NCOA1: variants seen among roughly 807,000 people sequenced by gnomAD.
The protein encoded by NCOA1 is Hin-2 protein.
In NCOA1, 35 loss-of-function variants were observed where a neutral mutation model predicts 150.9. The observed-to-expected ratio is 0.23, with a 90% confidence interval of 0.18 to 0.31. NCOA1 has a LOEUF of 0.31. NCOA1 is among the 10% of genes least tolerant of loss of function. NCOA1 has a pLI of 1.00. For missense variants in NCOA1, 1,491 were observed against 1,749.3 expected, an observed-to-expected ratio of 0.85 and a Z score of 2.63; for synonymous variants, 590 against 630.0, an observed-to-expected ratio of 0.94 and a Z score of 0.95.
chr2:24,607,404 T>A (rs890746021), intron 3 of NCOA1, among the ~76,000 whole-genome samples: 1 of 151,996 alleles, frequency 6.6e-6, no homozygotes, highest in Non-Finnish European at 1.5e-5. Context: ...AAGAGTGAGA[T>A]TGGCTGGGCG....
At chr2:24,678,213 T>C (rs1047447754) in intron 7 of NCOA1, among the ~76,000 whole-genome samples, 5 of 152,236 alleles carry the variant, frequency 3.3e-5, no homozygotes, top group Non-Finnish European at 7.3e-5. Context: ...CAAAGGACCA[T>C]GATCTCATCC....
intron 1 of NCOA1, among the ~76,000 whole-genome samples, chr2:24,518,563 A>G (rs1178995673): frequency 1.3e-5 from 2 of 152,192 alleles, no homozygotes; most frequent in Non-Finnish European, 2.9e-5. Context: ...TTATTTGCAG[A>G]TGACATTGAT....
chr2:24,610,413 T>C (rs1668570601), intron 3 of NCOA1, among the ~76,000 whole-genome samples: 1 of 151,980 alleles, frequency 6.6e-6, no homozygotes. Flanking sequence ...AGTGCTGGGA[T>C]TATAGGTGTG....
chr2:24,593,409 G>C (rs1383614228), intron 3 of NCOA1, among the ~76,000 whole-genome samples: 2 of 152,036 alleles, frequency 1.3e-5, no homozygotes, highest in African/African-American at 2.4e-5. Context: ...TGGGAATTTG[G>C]ATGAGAGTAG....
At chr2:24,548,948 C>T (rs1012508037) in intron 1 of NCOA1, among the ~76,000 whole-genome samples, 20 of 152,152 alleles carry the variant, frequency 1.3e-4, no homozygotes, top group East Asian at 7.7e-4. Flanking sequence ...TACCATTCTG[C>T]GGTCTGGAGG....
intron 3 of NCOA1, among the ~76,000 whole-genome samples, chr2:24,602,703 A>G (rs1378334496): frequency 6.6e-6 from 1 of 152,098 alleles, no homozygotes; most frequent in Non-Finnish European, 1.5e-5. Flanking sequence ...ATATTCTCCA[A>G]TTTCTTTAAT....
chr2:24,569,705 A>G (rs1179854455), intron 2 of NCOA1, among the ~76,000 whole-genome samples: 1 of 151,000 alleles, frequency 6.6e-6, no homozygotes, highest in South Asian at 2.1e-4. Context: ...CCACGTCTCT[A>G]CTAAAAATAC....
intron 1 of NCOA1, among the ~76,000 whole-genome samples, chr2:24,550,126 A>G (rs746755050): frequency 9.9e-5 from 15 of 152,212 alleles, no homozygotes; most frequent in Non-Finnish European, 1.8e-4. Flanking sequence ...CATTTTGGTC[A>G]AAGCCATACA....
intron 3 of NCOA1, among the ~76,000 whole-genome samples, chr2:24,637,098 A>G (rs2148446122): frequency 6.6e-6 from 1 of 150,554 alleles, no homozygotes; most frequent in Admixed American, 6.6e-5. Context: ...TATTATTATT[A>G]TACTTTAAGT....
chr2:24,498,879 A>T (rs1012251311), intron 1 of NCOA1, among the ~76,000 whole-genome samples: 1 of 152,066 alleles, frequency 6.6e-6, no homozygotes, highest in Non-Finnish European at 1.5e-5. Context: ...AAATGATTCC[A>T]TATGTAAGGC....
chr2:24,707,387 A>G lies in NCOA1; in HGVS notation c.1917A>G (p.Thr639=). The stretch of plus-strand genomic sequence containing the variant: ...ACAAACTAGTGCAGCTTTTGACAAC[A>G]ACTGCCGAACAGCAGTTACGGCATG... ...TSHKLVQLLT[T]TAEQQLRHAD... is the part of the protein sequence containing the mutation. Residue 639 remains threonine, a synonymous_variant, in exon 13 of 23, where the codon ACA becomes ACG. Transcript: ENST00000348332. 1 of 1,614,204 alleles carries G rather than the reference A, an allele frequency of 6.2e-7. No homozygotes were observed. Among genetic ancestry groups the G allele is most frequent in the Non-Finnish European group, 8.5e-7 (1 of 1,180,022 alleles).
intron 3 of NCOA1, among the ~76,000 whole-genome samples, chr2:24,619,644 TAAGAGATAG>T (rs1669034464): frequency 6.6e-6 from 1 of 152,170 alleles, no homozygotes; most frequent in Non-Finnish European, 1.5e-5. Flanking sequence ...TGTTTTTCAG[TAAGAGATAG>T]AATACTTATG....
chr2:24,516,955 A>ATATACGTATATATACGT (rs1558758490), intron 1 of NCOA1, among the ~76,000 whole-genome samples: 289 of 69,858 alleles, frequency 4.1e-3, no homozygotes, highest in Middle Eastern at 8.9e-3. Flanking sequence ...TATATATACA[A>ATATACGTATATATACGT]GTATATATAC....
intron 3 of NCOA1, among the ~76,000 whole-genome samples, chr2:24,608,997 A>G (rs1668505556): frequency 6.6e-6 from 1 of 152,086 alleles, no homozygotes; most frequent in Non-Finnish European, 1.5e-5. Context: ...GACATCACTG[A>G]TGGTGTTAAA....
At chr2:24,527,405 T>A (rs1019875041) in intron 1 of NCOA1, among the ~76,000 whole-genome samples, 1 of 152,170 alleles carries the variant, frequency 6.6e-6, no homozygotes, top group Non-Finnish European at 1.5e-5. Flanking sequence ...TGAGGTCATA[T>A]AATCTTCTTA....
chr2:24,513,233 A>G (rs1037496948), intron 1 of NCOA1, among the ~76,000 whole-genome samples: 3 of 152,102 alleles, frequency 2.0e-5, no homozygotes, highest in Admixed American at 1.3e-4. Context: ...GAAGTAAAAC[A>G]TTGTGGAGTT....
chr2:24,612,267 C>T (rs989150945), intron 3 of NCOA1, among the ~76,000 whole-genome samples: 1 of 152,146 alleles, frequency 6.6e-6, no homozygotes, highest in African/African-American at 2.4e-5. Flanking sequence ...CTGAGAAGTC[C>T]ACTGCTAGCC....
intron 1 of NCOA1, among the ~76,000 whole-genome samples, chr2:24,560,620 A>G (rs1008267290): frequency 2.6e-5 from 4 of 152,016 alleles, no homozygotes; most frequent in African/African-American, 4.8e-5. Flanking sequence ...AACCCAGGCT[A>G]TTTCCTCCAT....
intron 14 of NCOA1, among the ~76,000 whole-genome samples, chr2:24,724,421 C>G (rs867017808): frequency 7.9e-5 from 12 of 152,124 alleles, no homozygotes; most frequent in Non-Finnish European, 1.8e-4. Flanking sequence ...TTACAGAAGG[C>G]AGTTTCTAAA....
Sources: allele counts gnomAD v4.1 joint callset (sites outside exome capture counted in the v4.1 genomes callset), GRCh38; gene constraint gnomAD v4.1.1; transcripts MANE v1.5; gene names NCBI Gene and HGNC (gene_info 2026-07-23, HGNC 2026-07-21).